PDIA3: variants seen among roughly 807,000 people sequenced by gnomAD.
PDIA3 encodes the protein protein disulfide-isomerase A3.
Under a neutral mutation model 56.9 loss-of-function variants are expected in PDIA3, and 16 were observed. The observed-to-expected ratio is 0.28, with a 90% confidence interval of 0.19 to 0.43. PDIA3 has a LOEUF of 0.43. Ranked by LOEUF, PDIA3 falls within the 20% of genes least tolerant of loss-of-function variation. The pLI, the probability that PDIA3 is intolerant of heterozygous loss-of-function variation, is 1.00. For synonymous variants in PDIA3, 192 were observed against 216.5 expected, an observed-to-expected ratio of 0.89 and a Z score of 0.99; for missense variants, 485 against 621.3, an observed-to-expected ratio of 0.78 and a Z score of 2.33.
intron 1 of PDIA3, 108 bp from the exon 2 acceptor site, chr15:43,753,716 T>C: frequency 1.3e-6 from 1 of 769,564 alleles, no homozygotes; most frequent in Non-Finnish European, 2.2e-6. Context: ...TTTGGAAGTG[T>C]CTACTAGCTC....
chr15:43,746,440 A>G lies in PDIA3; in HGVS notation c.-100A>G, dbSNP rs1243388198. ...CCGGCTGCAGGTCCGCCTGGGCCAG[A>G]CGCGCGAGCGCAAGCAGCGGGTTAG... is the stretch of plus-strand genomic sequence containing the variant. On this transcript the variant is annotated 5_prime_UTR_variant, in exon 1 of 13. Coordinates refer to ENST00000300289, the MANE Select transcript of PDIA3 (RefSeq NM_005313.5). 12 of 1,230,784 alleles carry G rather than the reference A, an allele frequency of 9.7e-6. No homozygotes were observed. The highest frequency in any genetic ancestry group is 1.1e-5 in the Non-Finnish European group (10 of 930,558). The allele number at this position is 1,230,784 out of a possible 1,614,324, so 76.2% of individuals were successfully genotyped here. A position where few individuals can be genotyped will look rare whatever the true frequency, so the allele number is the denominator to read the frequency against.
At position 43,765,537 on chromosome 15, in the gene PDIA3, C is replaced by T. The variant is rs200333214; in HGVS notation, c.690C>T (p.Gly230=). 2 of 1,605,430 alleles carry T rather than the reference C, an allele frequency of 1.2e-6. No individual in the cohort carries two copies. Among genetic ancestry groups the T allele is most frequent in the South Asian group, 2.2e-5 (2 of 90,322 alleles). The change falls in exon 6 of 13, where the codon GGC becomes GGT. Residue 230 remains glycine, a synonymous_variant. Transcript: ENST00000300289. ...VAYTEQKMTS[G]KIKKFIQENI... The stretch of plus-strand genomic sequence containing the variant: ...ATACAGAGCAAAAAATGACCAGTGG[C>T]AAAATTAAAAAGTTTATCCAGGAAA...
At chr15:43,749,636 T>C (rs1232708846) in intron 1 of PDIA3, among the ~76,000 whole-genome samples, 2 of 151,984 alleles carry the variant, frequency 1.3e-5, no homozygotes, top group Non-Finnish European at 2.9e-5. Context: ...CTACTAAAAA[T>C]ACAAAAATTA....
intron 1 of PDIA3, among the ~76,000 whole-genome samples, chr15:43,748,325 G>A (rs1398491370): frequency 1.3e-5 from 2 of 151,752 alleles, no homozygotes; most frequent in African/African-American, 2.4e-5. Flanking sequence ...CTAAAAATAC[G>A]AAATTAGCCG....
chr15:43,773,041 C>G lies in PDIA3; in HGVS notation c.*1823C>G. 2 of 1,335,304 alleles carry G rather than the reference C, an allele frequency of 1.5e-6. No individual in the cohort carries two copies. Among genetic ancestry groups the G allele is most frequent in the Non-Finnish European group, 2.1e-6 (2 of 968,052 alleles). The allele number at this position is 1,335,304 out of a possible 1,614,324, so 82.7% of individuals were successfully genotyped here. On this transcript the variant is annotated 3_prime_UTR_variant, in exon 13 of 13. Coordinates refer to ENST00000300289, the MANE Select transcript of PDIA3 (RefSeq NM_005313.5). ...TCAGCATAAGAAAAGCAGATAGTTG[C>G]ATTCTATTTAGTTTATAGCTGCTTT...
At chr15:43,761,608 A>G (rs1400816478) in intron 4 of PDIA3, 77 bp downstream of exon 4, 8 of 795,522 alleles carry the variant, frequency 1.0e-5, no homozygotes, top group Non-Finnish European at 1.5e-5. Context: ...GGAAAACCAC[A>G]GAATTAAAGC....
chr15:43,753,368 G>A (rs894587700), intron 1 of PDIA3, among the ~76,000 whole-genome samples: 1 of 152,198 alleles, frequency 6.6e-6, no homozygotes, highest in Admixed American at 6.5e-5. Context: ...GTGAGCTTCA[G>A]TCACTATTTT....
At chr15:43,769,362 A>G (rs2086867722) in intron 9 of PDIA3, among the ~76,000 whole-genome samples, 156 bp from the exon 10 acceptor site, 1 of 152,184 alleles carries the variant, frequency 6.6e-6, no homozygotes. Context: ...AGTGAATGAC[A>G]ACATCTTTAA....
In PDIA3 at chr15:43,766,917, T is replaced by C. The variant is rs1416651606; in HGVS notation, c.1028+7T>C. ...TCATGCAGGAGGAGTTCTCGTGAGT[T>C]GCTAGTTGGGCTTTGATTCTCCAAG... On this transcript the variant is annotated splice_region_variant and intron_variant, in intron 8 of 12. Coordinates refer to ENST00000300289, the MANE Select transcript of PDIA3 (RefSeq NM_005313.5). 1 of 1,613,598 alleles carries C rather than the reference T, an allele frequency of 6.2e-7. No homozygotes were observed. The highest frequency in any genetic ancestry group is 1.7e-5 in the Admixed American group (1 of 60,020).
intron 1 of PDIA3, among the ~76,000 whole-genome samples, chr15:43,750,612 A>G (rs2086737531): frequency 6.6e-6 from 1 of 150,790 alleles, no homozygotes; most frequent in Non-Finnish European, 1.5e-5. Flanking sequence ...CGTCTCTACT[A>G]AAAATACAAA....
At position 43,756,757 on chromosome 15, in the gene PDIA3, A is replaced by T; in HGVS notation, c.355A>T (p.Arg119Trp). ...AGAAGCAGGTGCTTATGATGGACCTAGGACTGCTGGTAAGGATCCTGAATT... is the reference window on the plus strand; with the variant it reads ...AGAAGCAGGTGCTTATGATGGACCTTGGACTGCTGGTAAGGATCCTGAATT... ...GEEAGAYDGP[R>W]TADGIVSHLK... The change falls in exon 3 of 13, where the codon AGG becomes TGG. Residue 119 changes from arginine to tryptophan, a missense_variant. Coordinates refer to ENST00000300289, the MANE Select transcript of PDIA3 (RefSeq NM_005313.5). The T allele has an allele frequency of 6.4e-7, 1 of 1,555,112 alleles. No individual in the cohort carries two copies. The highest frequency in any genetic ancestry group is 8.9e-7 in the Non-Finnish European group (1 of 1,128,516).
intron 10 of PDIA3, among the ~76,000 whole-genome samples, chr15:43,769,865 A>G (rs1371122274): frequency 6.6e-6 from 1 of 152,182 alleles, no homozygotes; most frequent in Non-Finnish European, 1.5e-5. Context: ...GGCTCAATCT[A>G]GATAATGGTT....
At chr15:43,755,348 A>G (rs1366694960) in intron 2 of PDIA3, among the ~76,000 whole-genome samples, 1 of 152,128 alleles carries the variant, frequency 6.6e-6, no homozygotes, top group Non-Finnish European at 1.5e-5. Context: ...AATAATCTAC[A>G]AGTAAATGAG....
chr15:43,770,949 A>C (rs1224186540), intron 12 of PDIA3, among the ~76,000 whole-genome samples, 156 bp from the exon 13 acceptor site: 1 of 152,110 alleles, frequency 6.6e-6, no homozygotes, highest in African/African-American at 2.4e-5. Flanking sequence ...GTGCTAGGCT[A>C]ATTGGGTTTA....
At position 43,768,629 on chromosome 15, in the gene PDIA3, G is replaced by A. The variant is rs761872937; in HGVS notation, c.1137+32G>A. On this transcript the variant is annotated intron_variant, in intron 9 of 12. Transcript: ENST00000300289. ...TGCTCACAGCCTCATCAAGCTATGA[G>A]CAATTGCCTGTCCTCATTTCTTTGT... 15 of 1,335,534 alleles carry A rather than the reference G, an allele frequency of 1.1e-5. 1 individual carries two copies. The highest frequency in any genetic ancestry group is 1.6e-5 in the Non-Finnish European group (15 of 926,610). The allele number at this position is 1,335,534 out of a possible 1,614,324, so 82.7% of individuals were successfully genotyped here.
At chr15:43,758,657 C>CAAA (rs34576866) in intron 3 of PDIA3, among the ~76,000 whole-genome samples, 1 of 137,554 alleles carries the variant, frequency 7.3e-6, no homozygotes, top group African/African-American at 2.8e-5. Flanking sequence ...GACTCCGTCT[C>CAAA]AAAAAAAAAA....
Position 43,765,543 on chromosome 15 carries a change from T to C in PDIA3, c.696T>C (p.Ile232=), listed in dbSNP as rs1334986477. 1 of 1,600,168 alleles carries C rather than the reference T, an allele frequency of 6.2e-7. No homozygotes were observed. The highest frequency in any genetic ancestry group is 2.2e-5 in the East Asian group (1 of 44,788). ...AGCAAAAAATGACCAGTGGCAAAAT[T>C]AAAAAGTTTATCCAGGAAAACATGT... ...YTEQKMTSGK[I]KKFIQENIFG... is the part of the protein sequence containing the mutation. Residue 232 remains isoleucine (I), a synonymous_variant, in exon 6 of 13, where the codon ATT becomes ATC. Transcript: ENST00000300289.
In PDIA3 at chr15:43,746,460, G is replaced by C; in HGVS notation, c.-80G>C. 3.0e-6 allele frequency: 4 copies of C among 1,339,676 alleles called. No individual in the cohort carries two copies. The highest frequency in any genetic ancestry group is 3.0e-6 in the Non-Finnish European group (3 of 1,016,268). 83.0% of individuals were successfully genotyped at this position (1,339,676 alleles called of 1,614,324 possible). On this transcript the variant is annotated 5_prime_UTR_variant, in exon 1 of 13. Transcript: ENST00000300289. ...GCCAGACGCGCGAGCGCAAGCAGCG[G>C]GTTAGTGGTCGCGCGCCCGACCTCC... is the stretch of plus-strand genomic sequence containing the variant.
chr15:43,770,622 C>A, intron 12 of PDIA3, 42 bp downstream of exon 12: 1 of 1,184,838 alleles, frequency 8.4e-7, no homozygotes, highest in Non-Finnish European at 1.3e-6. Context: ...TATACACAGA[C>A]GTAAACACAC....
Sources: gnomAD v4.1 joint callset for allele counts (sites outside exome capture counted in the v4.1 genomes callset) on GRCh38, gnomAD v4.1.1 for gene constraint, MANE v1.5 for transcripts, NCBI Gene and HGNC (gene_info 2026-07-23, HGNC 2026-07-21) for gene names.